The following CNTNAP2 variants were observed in gnomAD, a reference collection of about 807,000 sequenced individuals.
CNTNAP2 encodes the protein contactin-associated protein-like 2.
Under a neutral mutation model 155.2 loss-of-function variants are expected in CNTNAP2, and 98 were observed. The ratio of observed to expected loss-of-function variants is 0.63; its 90% CI spans 0.54 to 0.75. The LOEUF is 0.75. Among genes scored for constraint, CNTNAP2 ranks in the 30% least tolerant of loss-of-function variants. CNTNAP2 has a pLI of 0.00. For synonymous variants in CNTNAP2, 651 were observed against 631.2 expected (o/e 1.03, Z -0.47); for missense variants, 1,727 against 1,688.1 (o/e 1.02, Z -0.40).
At chr7:147,352,715 C>T (rs1795987374) in intron 9 of CNTNAP2, among the ~76,000 whole-genome samples, 1 of 152,032 alleles carries the variant, frequency 6.6e-6, no homozygotes, top group African/African-American at 2.4e-5. Flanking sequence ...ATTTTGGCTG[C>T]TCTATTGCCT....
At chr7:146,503,856 G>T (rs945354504) in intron 1 of CNTNAP2, among the ~76,000 whole-genome samples, 1 of 152,084 alleles carries the variant, frequency 6.6e-6, no homozygotes, top group Non-Finnish European at 1.5e-5. Flanking sequence ...CCTGAGCTGG[G>T]GTCTGAGGGG....
intron 12 of CNTNAP2, among the ~76,000 whole-genome samples, chr7:147,636,910 T>A (rs1461061029): frequency 1.3e-5 from 2 of 152,046 alleles, no homozygotes; most frequent in African/African-American, 2.4e-5. Flanking sequence ...AGGCTGGCAC[T>A]GGAAGAGAAG....
chr7:148,064,421 A>C (rs2116518133), intron 15 of CNTNAP2, among the ~76,000 whole-genome samples: 1 of 152,084 alleles, frequency 6.6e-6, no homozygotes, highest in East Asian at 1.9e-4. Context: ...TAGCCAGAGC[A>C]ATCAGATAAG....
intron 1 of CNTNAP2, among the ~76,000 whole-genome samples, chr7:146,557,753 T>C (rs1798218446): frequency 2.0e-5 from 3 of 152,230 alleles, no homozygotes; most frequent in African/African-American, 4.8e-5. Flanking sequence ...AGAATATTTG[T>C]ATGCTCCCTG....
intron 8 of CNTNAP2, among the ~76,000 whole-genome samples, chr7:147,270,608 C>T (rs1804721932): frequency 6.6e-6 from 1 of 152,160 alleles, no homozygotes; most frequent in Non-Finnish European, 1.5e-5. Context: ...CACAATAGAC[C>T]TAGGGTAGTA....
In CNTNAP2 at chr7:146,668,428, CTGTGTGTGTGTGTGTG is replaced by C. The variant is rs573459590; in HGVS notation, c.98-105813_98-105798del. Among the ~76,000 whole-genome samples the C allele has an allele frequency of 1.1e-3, 122 of 115,574 alleles. 6 individuals are homozygous for C. Among genetic ancestry groups the C allele is most frequent in the Non-Finnish European group, 2.7e-4 (14 of 51,624 alleles). 75.8% of individuals were successfully genotyped at this position (115,574 alleles called of 152,430 possible). ...TCAGAGGTATTGGCCTGTAATTTTC[CTGTGTGTGTGTGTGTG>C]TGTGTGTGTGTGTGTGTGTGTGTGT... On this transcript the variant is annotated intron_variant, in intron 1 of 23. Transcript: ENST00000361727.
intron 21 of CNTNAP2, among the ~76,000 whole-genome samples, chr7:148,380,908 TC>T (rs375059209): frequency 6.6e-6 from 1 of 152,340 alleles, no homozygotes; most frequent in African/African-American, 2.4e-5. Context: ...CCCACAGCTT[TC>T]AACTCCTCAT....
chr7:147,433,545 G>C (rs1009882016), intron 10 of CNTNAP2, among the ~76,000 whole-genome samples: 21 of 152,142 alleles, frequency 1.4e-4, no homozygotes, highest in African/African-American at 5.1e-4. Context: ...AGACCTTTCA[G>C]GCAAAAGTGT....
At chr7:147,929,942 G>C (rs1793442554) in intron 14 of CNTNAP2, among the ~76,000 whole-genome samples, 1 of 152,128 alleles carries the variant, frequency 6.6e-6, no homozygotes, top group African/African-American at 2.4e-5. Context: ...AGTTCACAAT[G>C]GGGCTCAAGC....
At chr7:146,553,906 A>G (rs1798157507) in intron 1 of CNTNAP2, among the ~76,000 whole-genome samples, 1 of 152,182 alleles carries the variant, frequency 6.6e-6, no homozygotes, top group African/African-American at 2.4e-5. Context: ...AGGTGAATAT[A>G]AAATGATGTG....
At chr7:147,673,198 G>C (rs1050913897) in intron 13 of CNTNAP2, 1 of 152,134 alleles carries the variant, frequency 6.6e-6, no homozygotes, top group Non-Finnish European at 1.5e-5. Flanking sequence ...CATGAGGTAT[G>C]ATATATGGAG....
intron 1 of CNTNAP2, among the ~76,000 whole-genome samples, chr7:146,378,065 G>A (rs1795328691): frequency 6.6e-6 from 1 of 151,974 alleles, no homozygotes; most frequent in South Asian, 2.1e-4. Flanking sequence ...TCCCTATAAG[G>A]GCATGCATTG....
chr7:147,598,456 G>GT, intron 12 of CNTNAP2, among the ~76,000 whole-genome samples: 1 of 152,188 alleles, frequency 6.6e-6, no homozygotes, highest in Admixed American at 6.5e-5. Context: ...TCCTGTGTTA[G>GT]TTTGCTGAGA....
At position 146,595,324 on chromosome 7, in the gene CNTNAP2, G is replaced by T. The variant is rs370606934; in HGVS notation, c.98-178947G>T. On this transcript the variant is annotated intron_variant, in intron 1 of 23. Coordinates refer to ENST00000361727, the MANE Select transcript of CNTNAP2 (RefSeq NM_014141.6). ...CACATGCCTCAAATCATCCTCCAAAGATACTAATAATCTAGTTATTGAGTT... is the reference window on the plus strand; with the variant it reads ...CACATGCCTCAAATCATCCTCCAAATATACTAATAATCTAGTTATTGAGTT... 3.0e-4 allele frequency among the ~76,000 whole-genome samples: 45 copies of T among 152,008 alleles called. 1 individual carries two copies. The highest frequency in any genetic ancestry group is 2.5e-3 in the South Asian group (12 of 4,824).
chr7:147,995,224 AC>A (rs1225533558), intron 15 of CNTNAP2, among the ~76,000 whole-genome samples: 1 of 152,186 alleles, frequency 6.6e-6, no homozygotes, highest in Admixed American at 6.5e-5. Context: ...GTTGTTTAGC[AC>A]AAACCACATT....
At chr7:147,911,602 C>A (rs998603442) in intron 14 of CNTNAP2, among the ~76,000 whole-genome samples, 1 of 152,146 alleles carries the variant, frequency 6.6e-6, no homozygotes, top group South Asian at 2.1e-4. Context: ...AAAGTTCCAA[C>A]CATTTTAAGT....
intron 9 of CNTNAP2, among the ~76,000 whole-genome samples, chr7:147,369,129 C>A (rs556733585): frequency 6.6e-6 from 1 of 152,250 alleles, no homozygotes; most frequent in Non-Finnish European, 1.5e-5. Context: ...ACTTTATAAC[C>A]AGGTTATTTT....
chr7:147,321,188 C>T (rs1387750955), intron 9 of CNTNAP2, among the ~76,000 whole-genome samples: 2 of 152,168 alleles, frequency 1.3e-5, no homozygotes, highest in Non-Finnish European at 2.9e-5. Flanking sequence ...TTTCTTCTCT[C>T]TGCCTTTCAG....
At chr7:147,400,269 A>T (rs560250690) in intron 10 of CNTNAP2, among the ~76,000 whole-genome samples, 68 of 152,190 alleles carry the variant, frequency 4.5e-4, no homozygotes, top group African/African-American at 1.6e-3. Flanking sequence ...GGAGGGACGG[A>T]CATTGAGGGA....
Sources: allele counts gnomAD v4.1 joint callset (sites outside exome capture counted in the v4.1 genomes callset), GRCh38; gene constraint gnomAD v4.1.1; transcripts MANE v1.5; gene names NCBI Gene and HGNC (gene_info 2026-07-23, HGNC 2026-07-21).